The following MAGI2 variants were observed in gnomAD, a reference collection of about 807,000 sequenced individuals.
The protein encoded by MAGI2 is membrane associated guanylate kinase, WW and PDZ domain containing 2.
MAGI2 carries 35 observed loss-of-function variants against 133.3 expected under a neutral mutation model. The observed-to-expected ratio is 0.26, with a 90% confidence interval of 0.20 to 0.35. The LOEUF (loss-of-function observed/expected upper bound fraction) is 0.35. Ranked by LOEUF, MAGI2 falls within the 10% of genes least tolerant of loss-of-function variation. MAGI2 has a pLI of 1.00. For synonymous variants in MAGI2, 729 were observed against 710.6 expected, an observed-to-expected ratio of 1.03 and a Z score of -0.41; for missense variants, 1,636 against 1,863.4, an observed-to-expected ratio of 0.88 and a Z score of 2.25.
intron 1 of MAGI2, among the ~76,000 whole-genome samples, chr7:79,043,338 T>A (rs765299937): frequency 1.3e-4 from 20 of 149,824 alleles, no homozygotes; most frequent in Admixed American, 4.6e-4. Flanking sequence ...AGGTCAGGGG[T>A]TTGAGAACAG....
chr7:79,270,067 C>A (rs1834767441), intron 1 of MAGI2, among the ~76,000 whole-genome samples: 1 of 152,132 alleles, frequency 6.6e-6, no homozygotes, highest in African/African-American at 2.4e-5. Context: ...ACTGACCCCA[C>A]CTGGGCCTAT....
At chr7:78,825,934 A>T (rs968332211) in intron 2 of MAGI2, among the ~76,000 whole-genome samples, 75 of 152,190 alleles carry the variant, frequency 4.9e-4, no homozygotes, top group African/African-American at 1.7e-3. Flanking sequence ...CCAAAGCTAG[A>T]AGTAATCAAG....
At chr7:78,607,066 A>G (rs1001453006) in intron 3 of MAGI2, among the ~76,000 whole-genome samples, 13 of 152,310 alleles carry the variant, frequency 8.5e-5, no homozygotes, top group African/African-American at 3.1e-4. Context: ...TAACTGTTAC[A>G]AGGACCTTTG....
chr7:79,025,653 GA>G (rs960169501), intron 1 of MAGI2, among the ~76,000 whole-genome samples: 5 of 96,684 alleles, frequency 5.2e-5, no homozygotes, highest in African/African-American at 1.7e-4. Flanking sequence ...GTAGAGGAAG[GA>G]CCATGGGAAG....
chr7:78,797,723 T>G (rs1787731214), intron 2 of MAGI2, among the ~76,000 whole-genome samples: 1 of 152,190 alleles, frequency 6.6e-6, no homozygotes, highest in Non-Finnish European at 1.5e-5. Context: ...TAGGTTTTAT[T>G]CAAACAATTT....
chr7:79,254,290 A>T (rs1833531681), intron 1 of MAGI2, among the ~76,000 whole-genome samples: 1 of 126,162 alleles, frequency 7.9e-6, no homozygotes, highest in Admixed American at 8.4e-5. Flanking sequence ...CACACGCTTT[A>T]GAAGTATCTT....
intron 2 of MAGI2, among the ~76,000 whole-genome samples, chr7:78,829,706 A>T (rs908555861): frequency 6.6e-6 from 1 of 152,084 alleles, no homozygotes; most frequent in South Asian, 2.1e-4. Flanking sequence ...ATCATGATTG[A>T]AACTACTAAA....
chr7:78,125,877 G>A (rs777969251), intron 19 of MAGI2, 40 bp from the exon 20 acceptor site: 1 of 1,597,588 alleles, frequency 6.3e-7, no homozygotes, highest in African/African-American at 1.3e-5. Context: ...TAATTATTTA[G>A]TTATCAGAGA....
At chr7:79,030,576 A>G (rs1810467625) in intron 1 of MAGI2, among the ~76,000 whole-genome samples, 1 of 152,232 alleles carries the variant, frequency 6.6e-6, no homozygotes, top group South Asian at 2.1e-4. Context: ...AGATGCAAAC[A>G]TGCTAAATGC....
rs764063197 is a variant in MAGI2 at position 78,334,689 on chromosome 7, C to T, written c.1408+9089G>A. Among the ~76,000 whole-genome samples, 127 of 152,280 alleles carry T rather than the reference C, an allele frequency of 8.3e-4. 1 individual carries two copies. Among genetic ancestry groups the T allele is most frequent in the Admixed American group, 1.3e-3 (20 of 15,294 alleles). On this transcript the variant is annotated intron_variant, in intron 9 of 21. Coordinates refer to ENST00000354212, the MANE Select transcript of MAGI2 (RefSeq NM_012301.4). Reference sequence around the variant, plus strand: ...AGGTGAGAAAGGAATCTTCTTGCTACTACTACAGGCAGTCGTAGCCCAGGC... The same window carrying T: ...AGGTGAGAAAGGAATCTTCTTGCTATTACTACAGGCAGTCGTAGCCCAGGC...
chr7:78,584,421 G>GAAAAAAAAAAAAAAAAAAAAA (rs57844382), intron 3 of MAGI2, among the ~76,000 whole-genome samples: 1 of 83,936 alleles, frequency 1.2e-5, no homozygotes, highest in Non-Finnish European at 2.4e-5. Flanking sequence ...CTCCGTCTCA[G>GAAAAAAAAAAAAAAAAAAAAA]AAAAAAAAAA....
At chr7:79,392,136 G>A (rs752678261) in intron 1 of MAGI2, among the ~76,000 whole-genome samples, 1 of 152,076 alleles carries the variant, frequency 6.6e-6, no homozygotes, top group Non-Finnish European at 1.5e-5. Context: ...GTGTTAGTTT[G>A]CTGAGAATGA....
chr7:79,250,348 C>CAAAA (rs61147108), intron 1 of MAGI2, among the ~76,000 whole-genome samples: 1 of 130,528 alleles, frequency 7.7e-6, no homozygotes, highest in Non-Finnish European at 1.6e-5. Context: ...ATGACTCTAC[C>CAAAA]AAAAAAAAAA....
At chr7:78,740,051 C>G (rs1822255370) in intron 2 of MAGI2, among the ~76,000 whole-genome samples, 1 of 152,020 alleles carries the variant, frequency 6.6e-6, no homozygotes, top group South Asian at 2.1e-4. Flanking sequence ...GTCCCAGCTA[C>G]TCGGGAGGCT....
intron 1 of MAGI2, among the ~76,000 whole-genome samples, chr7:79,191,960 T>C (rs182928644): frequency 3.3e-5 from 5 of 152,052 alleles, no homozygotes; most frequent in African/African-American, 1.2e-4. Context: ...TTGTATCAAA[T>C]AGAATCTTAA....
At chr7:78,673,515 T>G (rs1404452631) in intron 2 of MAGI2, among the ~76,000 whole-genome samples, 1 of 151,820 alleles carries the variant, frequency 6.6e-6, no homozygotes, top group East Asian at 1.9e-4. Flanking sequence ...GCTGGCAGGC[T>G]CCCAGACACA....
At chr7:78,693,010 A>G (rs1014073266) in intron 2 of MAGI2, among the ~76,000 whole-genome samples, 3 of 152,174 alleles carry the variant, frequency 2.0e-5, no homozygotes, top group African/African-American at 7.2e-5. Flanking sequence ...AGAGATCAGT[A>G]TCTAGTGAGC....
At chr7:78,644,736 G>C (rs893041117) in intron 2 of MAGI2, among the ~76,000 whole-genome samples, 1 of 151,794 alleles carries the variant, frequency 6.6e-6, no homozygotes, top group Non-Finnish European at 1.5e-5. Context: ...ACTGGTAAAA[G>C]GACAGCATAT....
chr7:78,877,543 A>G (rs1182995015), intron 2 of MAGI2, among the ~76,000 whole-genome samples: 1 of 152,210 alleles, frequency 6.6e-6, no homozygotes, highest in African/African-American at 2.4e-5. Flanking sequence ...AAAATCTAAT[A>G]GCACTTGCAA....
Sources: gnomAD v4.1 joint callset for allele counts (sites outside exome capture counted in the v4.1 genomes callset) on GRCh38, gnomAD v4.1.1 for gene constraint, MANE v1.5 for transcripts, NCBI Gene and HGNC (gene_info 2026-07-23, HGNC 2026-07-21) for gene names.